FSD1L: variants seen among roughly 807,000 people sequenced by gnomAD.
FSD1L encodes FSD1-like protein.
A neutral mutation model predicts 71.6 loss-of-function variants in FSD1L; 45 were observed. That is an observed-to-expected ratio of 0.63 (90% CI 0.49 to 0.81). The LOEUF is 0.81. Among genes scored for constraint, FSD1L ranks in the 30% least tolerant of loss-of-function variants. The probability of loss-of-function intolerance (pLI) is 0.00; values close to 1 mark genes in which losing one functional copy is unlikely to be tolerated. For synonymous variants in FSD1L, 197 were observed against 207.2 expected, an observed-to-expected ratio of 0.95 and a Z score of 0.42; for missense variants, 561 against 618.1, an observed-to-expected ratio of 0.91 and a Z score of 0.98.
At chr9:105,504,739 G>T (rs1042759000) in intron 7 of FSD1L, among the ~76,000 whole-genome samples, 1 of 152,140 alleles carries the variant, frequency 6.6e-6, no homozygotes, top group African/African-American at 2.4e-5. Flanking sequence ...CTAATACAAT[G>T]TAACCACTAT....
At chr9:105,543,857 AG>A (rs1836797824) in intron 13 of FSD1L, among the ~76,000 whole-genome samples, 1 of 152,158 alleles carries the variant, frequency 6.6e-6, no homozygotes, top group Admixed American at 6.6e-5. Context: ...GTTGGTTCCA[AG>A]TCTTTGCTAT....
chr9:105,502,833 A>G (rs1471855615), intron 7 of FSD1L, among the ~76,000 whole-genome samples: 2 of 152,068 alleles, frequency 1.3e-5, no homozygotes, highest in African/African-American at 4.8e-5. Context: ...TTAAAAAAAA[A>G]AAGAAACCTT....
intron 10 of FSD1L, chr9:105,522,845 C>T: frequency 3.1e-6 from 5 of 1,610,180 alleles, no homozygotes; most frequent in East Asian, 2.2e-5. Flanking sequence ...GTCCAGGCAG[C>T]CTGGAAATTC....
intron 10 of FSD1L, chr9:105,522,127 T>C: frequency 6.2e-7 from 1 of 1,613,946 alleles, no homozygotes; most frequent in Non-Finnish European, 8.5e-7. Flanking sequence ...CAGACCCTTA[T>C]AGTTGCCTGG....
intron 1 of FSD1L, among the ~76,000 whole-genome samples, chr9:105,450,756 C>G (rs1353926076): frequency 6.6e-6 from 1 of 151,726 alleles, no homozygotes; most frequent in Admixed American, 6.6e-5. Flanking sequence ...TGGTCTCAAA[C>G]TCCTGACCTC....
intron 7 of FSD1L, among the ~76,000 whole-genome samples, chr9:105,503,421 C>T (rs987942273): frequency 7.9e-5 from 12 of 152,230 alleles, no homozygotes; most frequent in Admixed American, 7.8e-4. Flanking sequence ...TGATCAATGA[C>T]AATTACAAAG....
At position 105,545,395 on chromosome 9, in the gene FSD1L, C is replaced by G. The variant is rs986283535; in HGVS notation, c.1468-963C>G. Among the ~76,000 whole-genome samples, 29 of 146,246 alleles carry G rather than the reference C, an allele frequency of 2.0e-4. 2 individuals are homozygous for G. The highest frequency in any genetic ancestry group is 7.7e-4 in the African/African-American group (29 of 37,582). On this transcript the variant is annotated intron_variant, in intron 13 of 13. Coordinates refer to ENST00000481272, the MANE Select transcript of FSD1L (RefSeq NM_001145313.3). The stretch of plus-strand genomic sequence containing the variant: ...CAGGGACAATTTGACTTCCTCTTTT[C>G]CTAACTGAATACCCTTTATTTCTTT...
chr9:105,474,558 C>T (rs966799197), intron 5 of FSD1L, among the ~76,000 whole-genome samples: 1 of 152,202 alleles, frequency 6.6e-6, no homozygotes, highest in African/African-American at 2.4e-5. Context: ...CACCTACTTG[C>T]TGACTGAATA....
intron 10 of FSD1L, chr9:105,522,728 T>G (rs903580354): frequency 1.4e-5 from 23 of 1,604,900 alleles, no homozygotes; most frequent in Non-Finnish European, 2.0e-5. Context: ...CTCCTCTTAA[T>G]AGTGATATTG....
upstream of FSD1L, among the ~76,000 whole-genome samples, chr9:105,444,211 T>C (rs1311614241): frequency 6.6e-6 from 1 of 152,202 alleles, no homozygotes; most frequent in Admixed American, 6.5e-5. Flanking sequence ...GAGTAATTAT[T>C]AGTAACAGCT....
chr9:105,512,803 A>T lies in FSD1L; in HGVS notation c.896-4A>T. 6.9e-7 allele frequency: 1 copy of T among 1,456,370 alleles called. No homozygotes were observed. The highest frequency in any genetic ancestry group is 2.5e-5 in the East Asian group (1 of 39,516). 90.2% of individuals were successfully genotyped at this position (1,456,370 alleles called of 1,614,324 possible). On this transcript the variant is annotated splice_polypyrimidine_tract_variant and splice_region_variant and intron_variant, in intron 9 of 13. Transcript: ENST00000481272. ...AAAATATATTTAAATATTATCTTGA[A>T]TAGCACTTAACTTCAATTTGGATAA... is the stretch of plus-strand genomic sequence containing the variant.
intron 9 of FSD1L, among the ~76,000 whole-genome samples, chr9:105,509,111 A>G (rs888213208): frequency 5.3e-5 from 8 of 152,232 alleles, no homozygotes; most frequent in African/African-American, 1.7e-4. Context: ...ATCTTATTGC[A>G]ACAGTTAACG....
At chr9:105,535,645 C>T (rs1214101779) in intron 12 of FSD1L, among the ~76,000 whole-genome samples, 1 of 152,102 alleles carries the variant, frequency 6.6e-6, no homozygotes, top group Non-Finnish European at 1.5e-5. Context: ...GAGTGATAGT[C>T]AAAATTTTCT....
chr9:105,493,218 C>G (rs990971405), intron 7 of FSD1L, among the ~76,000 whole-genome samples: 8 of 151,974 alleles, frequency 5.3e-5, no homozygotes, highest in Non-Finnish European at 1.0e-4. Flanking sequence ...GGCTAGTTAG[C>G]TCTTCTTGTT....
At chr9:105,487,789 G>A (rs1832652348) in intron 7 of FSD1L, among the ~76,000 whole-genome samples, 2 of 151,950 alleles carry the variant, frequency 1.3e-5, no homozygotes, top group South Asian at 2.1e-4. Context: ...TTTTATAAAG[G>A]TCTTACTTAG....
At chr9:105,445,913 T>C (rs150779851), upstream of FSD1L, among the ~76,000 whole-genome samples, 5 of 152,294 alleles carry the variant, frequency 3.3e-5, no homozygotes, top group African/African-American at 1.2e-4. Context: ...CTGGCACACA[T>C]AGGCCCACCC....
intron 1 of FSD1L, among the ~76,000 whole-genome samples, chr9:105,450,747 G>C (rs889499392): frequency 1.3e-5 from 2 of 151,354 alleles, no homozygotes; most frequent in Non-Finnish European, 2.9e-5. Context: ...ATGGCCAGCT[G>C]GTCTCAAACT....
chr9:105,481,162 T>A (rs1832154046), intron 6 of FSD1L, among the ~76,000 whole-genome samples: 1 of 141,238 alleles, frequency 7.1e-6, no homozygotes, highest in African/African-American at 2.6e-5. Context: ...TGTGTGTGTG[T>A]GTGTGTGTGT....
At chr9:105,451,805 A>G (rs1045022822) in intron 1 of FSD1L, among the ~76,000 whole-genome samples, 3 of 152,194 alleles carry the variant, frequency 2.0e-5, no homozygotes, top group African/African-American at 7.2e-5. Flanking sequence ...CAAATAAGAC[A>G]TTTGTACCTT....
Sources: allele counts gnomAD v4.1 joint callset (sites outside exome capture counted in the v4.1 genomes callset), GRCh38; gene constraint gnomAD v4.1.1; transcripts MANE v1.5; gene names NCBI Gene and HGNC (gene_info 2026-07-23, HGNC 2026-07-21).